The following IFIH1 variants were observed in gnomAD, a reference collection of about 807,000 sequenced individuals.
IFIH1 encodes interferon-induced helicase C domain-containing protein 1.
A neutral mutation model predicts 107.4 loss-of-function variants in IFIH1; 125 were observed. The ratio of observed to expected loss-of-function variants is 1.16; its 90% CI spans 1.01 to 1.35. IFIH1 has a LOEUF of 1.35. Among genes scored for constraint, IFIH1 ranks in the 40% most tolerant of loss-of-function variants. IFIH1 has a pLI of 0.00. For missense variants in IFIH1, 1,333 were observed against 1,213.7 expected (o/e 1.10, Z -1.46); for synonymous variants, 458 against 413.2 (o/e 1.11, Z -1.31).
chr2:162,290,146 A>G (rs898836806), intron 4 of IFIH1, among the ~76,000 whole-genome samples: 1 of 151,966 alleles, frequency 6.6e-6, no homozygotes, highest in African/African-American at 2.4e-5. Context: ...GTTAAAATAT[A>G]GGAATAAATC....
chr2:162,311,435 C>T (rs1360849135), intron 1 of IFIH1, among the ~76,000 whole-genome samples: 1 of 151,600 alleles, frequency 6.6e-6, no homozygotes, highest in Non-Finnish European at 1.5e-5. Context: ...ATTACTACTG[C>T]AGATTTATAT....
At chr2:162,278,382 C>T (rs926522882) in intron 8 of IFIH1, 54 bp from the exon 9 acceptor site, 146 of 911,008 alleles carry the variant, frequency 1.6e-4, no homozygotes, top group Non-Finnish European at 9.1e-5. Context: ...AAAGGAATAA[C>T]ATTATCTTTG....
At chr2:162,277,749 T>C in intron 9 of IFIH1, 56 bp from the exon 10 acceptor site, 2 of 1,533,150 alleles carry the variant, frequency 1.3e-6, no homozygotes, top group South Asian at 1.3e-5. Context: ...CCCCTAAAAT[T>C]GTGCCATGGA....
rs573845237 is a variant in IFIH1, at chr2:162,313,797, A to G, written c.454-2864T>C. ...CCAATGAATATTTATTGTCACATTG[A>G]CATAGCTAATTTCTTATTCATACTT... On this transcript the variant is annotated intron_variant, in intron 1 of 15. Coordinates refer to ENST00000649979, the MANE Select transcript of IFIH1 (RefSeq NM_022168.4). 3.9e-5 allele frequency among the ~76,000 whole-genome samples: 6 copies of G among 152,358 alleles called. No individual in the cohort carries two copies. The South Asian group carries it at 1.0e-3, about 26-fold the overall frequency.
chr2:162,314,479 TCTTTC>T (rs1306497322), intron 1 of IFIH1, among the ~76,000 whole-genome samples: 1 of 132,652 alleles, frequency 7.5e-6, no homozygotes, highest in East Asian at 2.1e-4. Flanking sequence ...TTTCTTTCTT[TCTTTC>T]TTTTTCTTTC....
At chr2:162,294,507 T>C (rs1660386949) in intron 3 of IFIH1, among the ~76,000 whole-genome samples, 1 of 151,980 alleles carries the variant, frequency 6.6e-6, no homozygotes. Flanking sequence ...ATATTGGCTT[T>C]GGAATCAGAA....
At chr2:162,303,393 G>A (rs991405755) in intron 3 of IFIH1, among the ~76,000 whole-genome samples, 2 of 152,164 alleles carry the variant, frequency 1.3e-5, no homozygotes, top group African/African-American at 4.8e-5. Flanking sequence ...TGGGATTACA[G>A]GTGTGAGCCA....
chr2:162,314,416 T>TTTTCCTTCTTTC (rs1683441731), intron 1 of IFIH1, among the ~76,000 whole-genome samples: 1 of 51,444 alleles, frequency 1.9e-5, no homozygotes, highest in East Asian at 7.9e-4. Context: ...TCTTTCTTTC[T>TTTTCCTTCTTTC]TTTCTTTCTT....
Position 162,278,346 on chromosome 2 carries a change from A to G in IFIH1, c.1642-18T>C, listed in dbSNP as rs746593824. On this transcript the variant is annotated intron_variant, in intron 8 of 15. Coordinates refer to ENST00000649979, the MANE Select transcript of IFIH1 (RefSeq NM_022168.4). ...AATGGATCCTAAAAATAAAGTACAC[A>G]CTTATTCTTATGTATTCTTATTGTT... is the stretch of plus-strand genomic sequence containing the variant. 4 of 1,165,416 alleles carry G rather than the reference A, an allele frequency of 3.4e-6. No homozygotes were observed. The East Asian group carries it at 9.6e-5, about 28-fold the overall frequency. 72.2% of individuals were successfully genotyped at this position (1,165,416 alleles called of 1,614,324 possible).
intron 14 of IFIH1, 122 bp from the exon 15 acceptor site, chr2:162,267,691 C>T: frequency 1.4e-6 from 1 of 723,754 alleles, no homozygotes; most frequent in Non-Finnish European, 2.4e-6. Context: ...GCATTCCTTC[C>T]TTCCCTCCTG....
chr2:162,318,047 G>A lies in IFIH1; in HGVS notation c.261C>T (p.Gly87=), dbSNP rs775555538. The stretch of plus-strand genomic sequence containing the variant: ...TCATGTAGCGGGCGGCCAGAGGGCT[G>A]CCGGTTCTCCGGAGGGCCTCCACGA... ...REFVEALRRT[G]SPLAARYMNP... is the part of the protein sequence containing the mutation. The change falls in exon 1 of 16, where the codon GGC becomes GGT. Residue 87 remains glycine (G), a synonymous_variant. Coordinates refer to ENST00000649979, the MANE Select transcript of IFIH1 (RefSeq NM_022168.4). The A allele has an allele frequency of 6.2e-6, 10 of 1,614,064 alleles. No homozygotes were observed. In the African/African-American group the frequency reaches 1.3e-4, roughly 22 times the overall value.
rs1451896250 is a variant in IFIH1 at position 162,282,288 on chromosome 2, A to T, written c.1306+78T>A. 6.6e-6 allele frequency: 6 copies of T among 915,796 alleles called. No homozygotes were observed. The African/African-American group carries it at 1.0e-4, about 16-fold the overall frequency. The allele number at this position is 915,796 out of a possible 1,614,324, so 56.7% of individuals were successfully genotyped here. ...AAGACAATTTAAGCCACGAACATTT[A>T]AAAAATTAACAAATACAGCCTTTGT... On this transcript the variant is annotated intron_variant, in intron 6 of 15. Coordinates refer to ENST00000649979, the MANE Select transcript of IFIH1 (RefSeq NM_022168.4).
intron 2 of IFIH1, chr2:162,310,517 G>A (rs1387521512): frequency 5.9e-6 from 3 of 511,632 alleles, no homozygotes; most frequent in Non-Finnish European, 1.0e-5. Flanking sequence ...TAGTCATATT[G>A]TTTTTAAAAT....
In IFIH1 at chr2:162,276,702, G is replaced by C; in HGVS notation, c.2289C>G (p.Phe763Leu). The C allele has an allele frequency of 6.2e-7, 1 of 1,613,252 alleles. No homozygotes were observed. Residue 763 changes from phenylalanine (F) to leucine (L), a missense_variant, in exon 11 of 16, where the codon TTC (phenylalanine) becomes TTG (leucine). Transcript: ENST00000649979. ...HLIGAGHSSE[F>L]KPMTQNEQKE... ...ATATTTATACCTGTGTCATGGGTTT[G>C]AACTCACTGCTGTGTCCAGCTCCAA...
chr2:162,297,435 A>T (rs1175018193), intron 3 of IFIH1, among the ~76,000 whole-genome samples: 2 of 152,184 alleles, frequency 1.3e-5, no homozygotes, highest in African/African-American at 4.8e-5. Flanking sequence ...AAGTCTCCAG[A>T]TCGAACGTAG....
chr2:162,276,968 G>GGGCCGGGCGCGGTGGCTCACGCCTGTA, intron 10 of IFIH1, 22 bp from the exon 11 acceptor site: 1 of 1,564,136 alleles, frequency 6.4e-7, no homozygotes, highest in Non-Finnish European at 8.7e-7. Flanking sequence ...AATTAGAGTT[G>GGGCCGGGCGCGGTGGCTCACGCCTGTA]ATATGTTAAC....
At chr2:162,297,815 A>AAAC (rs1041167633) in intron 3 of IFIH1, among the ~76,000 whole-genome samples, 13 of 152,132 alleles carry the variant, frequency 8.5e-5, no homozygotes, top group African/African-American at 3.1e-4. Context: ...ATAATTTTGT[A>AAAC]AACAACACAA....
chr2:162,281,508 G>C lies in IFIH1; in HGVS notation c.1344C>G (p.Thr448=). ...TGTTATTATACACTGCTTCTTTGTT[G>C]GTGTGATGACATTCATCAATGATAA... ...SLIIIDECHH[T]NKEAVYNNIM... Residue 448 remains threonine (T), a synonymous_variant, in exon 7 of 16, where the codon ACC becomes ACG. Coordinates refer to ENST00000649979, the MANE Select transcript of IFIH1 (RefSeq NM_022168.4). The C allele has an allele frequency of 6.2e-7, 1 of 1,611,038 alleles. No individual in the cohort carries two copies. The highest frequency in any genetic ancestry group is 8.5e-7 in the Non-Finnish European group (1 of 1,178,128).
At chr2:162,317,555 GT>G (rs1345469440) in intron 1 of IFIH1, among the ~76,000 whole-genome samples, 2 of 152,204 alleles carry the variant, frequency 1.3e-5, no homozygotes, top group African/African-American at 4.8e-5. Flanking sequence ...ATGAACTGTA[GT>G]AATACATTTT....
Sources: gnomAD v4.1 joint callset for allele counts (sites outside exome capture counted in the v4.1 genomes callset) on GRCh38, gnomAD v4.1.1 for gene constraint, MANE v1.5 for transcripts, NCBI Gene and HGNC (gene_info 2026-07-23, HGNC 2026-07-21) for gene names.